SIPA1L3: variants seen among roughly 807,000 people sequenced by gnomAD.
SIPA1L3 encodes the protein signal-induced proliferation-associated 1-like protein 3.
Under a neutral mutation model 150.1 loss-of-function variants are expected in SIPA1L3, and 59 were observed. The observed-to-expected ratio is 0.39, with a 90% confidence interval of 0.32 to 0.49. The LOEUF is 0.49. Ranked by LOEUF, SIPA1L3 falls within the 20% of genes least tolerant of loss-of-function variation. SIPA1L3 has a pLI of 0.86. For synonymous variants in SIPA1L3, 1,070 were observed against 1,077.6 expected, an observed-to-expected ratio of 0.99 and a Z score of 0.14; for missense variants, 2,211 against 2,489.5, an observed-to-expected ratio of 0.89 and a Z score of 2.38.
intron 18 of SIPA1L3, among the ~76,000 whole-genome samples, chr19:38,196,051 C>T (rs953092604): frequency 2.6e-5 from 4 of 152,134 alleles, no homozygotes; most frequent in South Asian, 2.1e-4. Context: ...GGGAGAGTCC[C>T]GTCTGGCCTC....
intron 1 of SIPA1L3, among the ~76,000 whole-genome samples, chr19:37,975,800 G>A (rs757593641): frequency 3.3e-5 from 5 of 152,042 alleles, no homozygotes; most frequent in Non-Finnish European, 5.9e-5. Flanking sequence ...CCACCCCCAG[G>A]AGGCATTCAG....
intron 2 of SIPA1L3, among the ~76,000 whole-genome samples, chr19:38,061,532 C>T (rs1262388530): frequency 6.6e-6 from 1 of 152,006 alleles, no homozygotes; most frequent in Non-Finnish European, 1.5e-5. Context: ...GGTTGTGACT[C>T]AGAAGCCAGA....
chr19:38,017,892 T>C (rs1968274665), intron 1 of SIPA1L3, among the ~76,000 whole-genome samples: 1 of 152,072 alleles, frequency 6.6e-6, no homozygotes, highest in African/African-American at 2.4e-5. Flanking sequence ...CTTTCAAAAC[T>C]GTAAATCAGA....
At position 38,083,044 on chromosome 19, in the gene SIPA1L3, C is replaced by T. The variant is rs769720743; in HGVS notation, c.1479C>T (p.Ser493=). 15 of 1,612,940 alleles carry T rather than the reference C, an allele frequency of 9.3e-6. No homozygotes were observed. Among genetic ancestry groups the T allele is most frequent in the African/African-American group, 1.3e-5 (1 of 74,942 alleles). The part of the protein sequence containing the change: ...QRTQSRPRQY[S]IEHVDLGARY... ...CGCAGAGTCGGCCCCGGCAGTACAG[C>T]ATCGAGCATGTGGACCTGGGCGCCC... The change falls in exon 3 of 22, where the codon AGC becomes AGT. Residue 493 remains serine (S), a synonymous_variant. Coordinates refer to ENST00000222345, the MANE Select transcript of SIPA1L3 (RefSeq NM_015073.3).
At chr19:38,050,218 G>A (rs556865814) in intron 2 of SIPA1L3, among the ~76,000 whole-genome samples, 4 of 152,232 alleles carry the variant, frequency 2.6e-5, no homozygotes, top group African/African-American at 9.6e-5. Flanking sequence ...CACTTTGGGA[G>A]GCCGAGGCAG....
At chr19:38,013,101 G>A (rs1006543993) in intron 1 of SIPA1L3, among the ~76,000 whole-genome samples, 6 of 152,152 alleles carry the variant, frequency 3.9e-5, no homozygotes, top group African/African-American at 1.4e-4. Flanking sequence ...AAAACAGCAT[G>A]ACCTCTGAGC....
At chr19:38,048,289 G>A (rs946762973) in intron 2 of SIPA1L3, among the ~76,000 whole-genome samples, 1 of 152,272 alleles carries the variant, frequency 6.6e-6, no homozygotes, top group South Asian at 2.1e-4. Flanking sequence ...TGGGCACCAG[G>A]TGGATAGGAT....
At chr19:38,089,266 T>C (rs1370652208) in intron 4 of SIPA1L3, among the ~76,000 whole-genome samples, 1 of 142,992 alleles carries the variant, frequency 7.0e-6, no homozygotes, top group African/African-American at 2.7e-5. Context: ...TGCAGTGAGC[T>C]GAGTTTATGC....
At chr19:38,139,489 G>A (rs1399922716) in intron 10 of SIPA1L3, among the ~76,000 whole-genome samples, 1 of 152,074 alleles carries the variant, frequency 6.6e-6, no homozygotes, top group East Asian at 1.9e-4. Flanking sequence ...ACCTCTGCCC[G>A]GGCCTGGCAT....
At chr19:37,962,120 G>A (rs2046863558) in intron 1 of SIPA1L3, among the ~76,000 whole-genome samples, 1 of 149,356 alleles carries the variant, frequency 6.7e-6, no homozygotes, top group Non-Finnish European at 1.5e-5. Context: ...TTTACTGTTT[G>A]TGTGTCTCAC....
chr19:37,990,861 A>G (rs558845034), intron 1 of SIPA1L3, among the ~76,000 whole-genome samples: 40 of 152,298 alleles, frequency 2.6e-4, no homozygotes, highest in Non-Finnish European at 5.0e-4. Flanking sequence ...TGGCATTGGT[A>G]CTGTTGTTAG....
intron 1 of SIPA1L3, among the ~76,000 whole-genome samples, chr19:38,016,772 T>G (rs561520650): frequency 6.6e-6 from 1 of 151,680 alleles, no homozygotes; most frequent in Non-Finnish European, 1.5e-5. Context: ...GGAATACAGG[T>G]GTGAGCCACC....
At chr19:38,101,504 G>C (rs1447447105) in intron 6 of SIPA1L3, among the ~76,000 whole-genome samples, 1 of 152,146 alleles carries the variant, frequency 6.6e-6, no homozygotes, top group Non-Finnish European at 1.5e-5. Flanking sequence ...TACCTCCCAG[G>C]TTCAAGCAAG....
chr19:38,142,467 GTCTGTCTGTCCGTCTGTCCATCCA>G (rs1568573312), intron 11 of SIPA1L3, 82 bp from the exon 12 acceptor site: 3 of 1,323,778 alleles, frequency 2.3e-6, no homozygotes, highest in Non-Finnish European at 3.1e-6. Context: ...CGGTTGGTCT[GTCTGTCTGTCCGTCTGTCCATCCA>G]TCTGTCTGTC....
chr19:38,024,409 G>A (rs1009723678), intron 1 of SIPA1L3, among the ~76,000 whole-genome samples: 11 of 152,120 alleles, frequency 7.2e-5, no homozygotes, highest in African/African-American at 1.7e-4. Flanking sequence ...TGGAGCTGCC[G>A]GAGGTGAGAT....
chr19:37,978,985 G>GA lies in SIPA1L3; in HGVS notation c.-378-50097dup, dbSNP rs375256934. ...AGACCCCGTCTCAAAAACAAAACCA[G>GA]AAAAAAAGGCAGTTTCCCTTCCACA... On this transcript the variant is annotated intron_variant, in intron 1 of 21. Transcript: ENST00000222345. Among the ~76,000 whole-genome samples, 441 of 151,718 alleles carry GA rather than the reference G, an allele frequency of 2.9e-3. 1 individual carries two copies. Among genetic ancestry groups the GA allele is most frequent in the African/African-American group, 0.01 (428 of 41,356 alleles).
intron 1 of SIPA1L3, among the ~76,000 whole-genome samples, chr19:37,960,965 T>C (rs2046853233): frequency 6.6e-6 from 1 of 151,924 alleles, no homozygotes; most frequent in Non-Finnish European, 1.5e-5. Flanking sequence ...ACCTCCTGGG[T>C]TGAAGGGATC....
Position 38,047,132 on chromosome 19 carries a change from C to A in SIPA1L3, c.-311+17976C>A, listed in dbSNP as rs1969076931. 6.6e-6 allele frequency among the ~76,000 whole-genome samples: 1 copy of A among 152,206 alleles called. No homozygotes were observed. On this transcript the variant is annotated intron_variant, in intron 2 of 21. Coordinates refer to ENST00000222345, the MANE Select transcript of SIPA1L3 (RefSeq NM_015073.3). The surrounding 1 kb of genome is among the most constrained non-coding windows in gnomAD (Gnocchi z 4.7). ...AGTTGGGTTGTTTGCGTGAGCCACA[C>A]AGGTAGGAAGTGGCAGAACCAGGAT...
chr19:37,951,477 G>T (rs996734625), intron 1 of SIPA1L3, among the ~76,000 whole-genome samples: 1 of 152,058 alleles, frequency 6.6e-6, no homozygotes, highest in Non-Finnish European at 1.5e-5. Flanking sequence ...TAGTTGGTAG[G>T]ATGATTACAG....
Sources: allele counts gnomAD v4.1 joint callset (sites outside exome capture counted in the v4.1 genomes callset), GRCh38; gene constraint gnomAD v4.1.1; non-coding constraint Gnocchi (gnomAD v3.1); transcripts MANE v1.5; gene names NCBI Gene and HGNC (gene_info 2026-07-23, HGNC 2026-07-21).